The following A2ML1 variants were observed in gnomAD, a reference collection of about 807,000 sequenced individuals.
A2ML1 encodes alpha-2-macroglobulin like 1.
A2ML1 carries 161 observed loss-of-function variants against 181.9 expected under a neutral mutation model. The ratio of observed to expected loss-of-function variants is 0.89; its 90% CI spans 0.78 to 1.01. The LOEUF is 1.01. Ranked by LOEUF, A2ML1 falls within the 50% of genes least tolerant of loss-of-function variation. The pLI is 0.00. For synonymous variants in A2ML1, 663 were observed against 666.8 expected (o/e 0.99, Z 0.09); for missense variants, 1,670 against 1,768.1 (o/e 0.94, Z 1.00).
intron 3 of A2ML1, among the ~76,000 whole-genome samples, chr12:8,829,068 C>CTG (rs1943025051): frequency 6.6e-6 from 1 of 152,196 alleles, no homozygotes; most frequent in African/African-American, 2.4e-5. Context: ...CTTTTCTACC[C>CTG]TCTTCAGTGC....
At position 8,850,216 on chromosome 12, in the gene A2ML1, G is replaced by T. The variant is rs771684169; in HGVS notation, c.2176G>T (p.Asp726Tyr). ...ATCAACTCCTTTACATCAAGCAGAG[G>T]ATTCTCAGGTCCGCCAGTACTTCCC... is the stretch of plus-strand genomic sequence containing the variant. ...ESSTPLHQAE[D>Y]SQVRQYFPET... The change falls in exon 18 of 36, where the codon GAT (aspartate) becomes TAT (tyrosine). Residue 726 changes from aspartate (D) to tyrosine (Y), a missense_variant. Coordinates refer to ENST00000299698, the MANE Select transcript of A2ML1 (RefSeq NM_144670.6). 2.5e-5 allele frequency: 41 copies of T among 1,613,324 alleles called. No individual in the cohort carries two copies. The highest frequency in any genetic ancestry group is 3.4e-5 in the Non-Finnish European group (40 of 1,179,820).
intron 6 of A2ML1, 56 bp downstream of exon 6, chr12:8,835,722 G>A: frequency 6.2e-7 from 1 of 1,603,876 alleles, no homozygotes; most frequent in Non-Finnish European, 8.5e-7. Flanking sequence ...CTTAAAATCA[G>A]CAAAGGTGGA....
intron 29 of A2ML1, among the ~76,000 whole-genome samples, chr12:8,865,539 TCAA>T (rs1332095529): frequency 5.9e-5 from 9 of 152,126 alleles, no homozygotes; most frequent in African/African-American, 4.8e-5. Flanking sequence ...AAACTCCGTC[TCAA>T]CAACAACAAC....
At chr12:8,853,480 C>T (rs1943959525) in intron 20 of A2ML1, among the ~76,000 whole-genome samples, 1 of 152,192 alleles carries the variant, frequency 6.6e-6, no homozygotes, top group South Asian at 2.1e-4. Context: ...CTGGGTGCAG[C>T]TTAGCTGGGT....
Position 8,857,983 on chromosome 12 carries a change from C to T in A2ML1, c.3145C>T (p.Gln1049Ter), listed in dbSNP as rs368566164. ...AFVTKCFGQA[Q>*]KFIFIDPKNI... ...TGTCACAAAATGCTTTGGCCAAGCT[C>T]AGAAATTCATCTTCATTGATCCCAA... Residue 1049 changes from glutamine (Q) to a stop codon, truncating the protein, a stop_gained, in exon 26 of 36, where the codon CAG becomes TAG. Coordinates refer to ENST00000299698, the MANE Select transcript of A2ML1 (RefSeq NM_144670.6). LOFTEE classifies it high-confidence loss of function. The T allele has an allele frequency of 5.6e-6, 9 of 1,614,156 alleles. No homozygotes were observed. In the Middle Eastern group the frequency reaches 4.9e-4, roughly 89 times the overall value.
downstream of A2ML1, among the ~76,000 whole-genome samples, chr12:8,878,406 C>T (rs191460893): frequency 7.9e-5 from 12 of 152,248 alleles, no homozygotes; most frequent in Admixed American, 5.9e-4. The surrounding 1 kb of genome is among the most constrained non-coding windows in gnomAD (Gnocchi z 4.4). Flanking sequence ...AAACAGAAAA[C>T]CAAATACTGC....
At chr12:8,828,050 A>T (rs1942987166) in intron 3 of A2ML1, among the ~76,000 whole-genome samples, 1 of 152,160 alleles carries the variant, frequency 6.6e-6, no homozygotes, top group Admixed American at 6.5e-5. Context: ...ACTGGGTCAG[A>T]TCTGAAGCCA....
rs962350161 is a variant in A2ML1 at position 8,846,892 on chromosome 12, G to A, written c.1684-657G>A. The stretch of plus-strand genomic sequence containing the variant: ...GTCGGAAGGCTGAAGCAGGTGTATC[G>A]CTTGAGCCCAGGAGTTCAAGGCTGC... On this transcript the variant is annotated intron_variant, in intron 14 of 35. Coordinates refer to ENST00000299698, the MANE Select transcript of A2ML1 (RefSeq NM_144670.6). Among the ~76,000 whole-genome samples the A allele has an allele frequency of 1.3e-5, 2 of 151,494 alleles. 1 individual carries two copies. Among genetic ancestry groups the A allele is most frequent in the South Asian group, 4.2e-4 (2 of 4,812 alleles).
rs1944234977 is a variant in A2ML1, at chr12:8,860,880, G to A, written c.3265-1G>A. ...CTCACTGCCTCCCTGTTTGCCTCTA[G>A]GGTGGTGTTGATGATGAGGTCTCCT... On this transcript the variant is annotated splice_acceptor_variant, in intron 26 of 35. Coordinates refer to ENST00000299698, the MANE Select transcript of A2ML1 (RefSeq NM_144670.6). LOFTEE classifies it high-confidence loss of function. The A allele has an allele frequency of 6.2e-7, 1 of 1,614,054 alleles. No individual in the cohort carries two copies. Among genetic ancestry groups the A allele is most frequent in the Non-Finnish European group, 8.5e-7 (1 of 1,180,002 alleles).
At chr12:8,885,096 G>C (rs1247551464) in intron 7 of A2ML1, among the ~76,000 whole-genome samples, 1 of 152,208 alleles carries the variant, frequency 6.6e-6, no homozygotes, top group Non-Finnish European at 1.5e-5. Context: ...AGGACTTTGT[G>C]AGATTTTCAG....
intron 10 of A2ML1, among the ~76,000 whole-genome samples, chr12:8,840,267 C>T (rs955052803): frequency 2.0e-5 from 3 of 150,080 alleles, no homozygotes; most frequent in Non-Finnish European, 4.4e-5. Flanking sequence ...GTCTGAGGCA[C>T]GAGAATGGCT....
intron 7 of A2ML1, among the ~76,000 whole-genome samples, chr12:8,884,246 G>GT (rs979518549): frequency 2.2e-5 from 3 of 134,940 alleles, no homozygotes; most frequent in African/African-American, 5.6e-5. Flanking sequence ...TTTTTGTTTT[G>GT]TTTTTTTTTA....
chr12:8,862,935 G>A (rs1320242778), intron 28 of A2ML1, among the ~76,000 whole-genome samples: 1 of 151,900 alleles, frequency 6.6e-6, no homozygotes, highest in Non-Finnish European at 1.5e-5. Flanking sequence ...TTTTCTTCAA[G>A]TTATCCATTA....
chr12:8,865,920 G>A (rs973135513), intron 29 of A2ML1, among the ~76,000 whole-genome samples: 1 of 152,112 alleles, frequency 6.6e-6, no homozygotes, highest in African/African-American at 2.4e-5. Flanking sequence ...ATTATATTCT[G>A]ATTTGTTGAA....
chr12:8,858,056 G>C lies in A2ML1; in HGVS notation c.3218G>C (p.Ser1073Thr). ...LKWMAGNQLP[S>T]GCYANVGNLL... ...TGGATGGCAGGAAACCAGCTCCCCA[G>C]TGGCTGCTATGCCAACGTGGGAAAT... The change falls in exon 26 of 36, where the codon AGT becomes ACT. Residue 1073 changes from serine (S) to threonine (T), a missense_variant. By Grantham distance (58) the Ser-to-Thr change is moderately conservative. Transcript: ENST00000299698. 1 of 1,614,160 alleles carries C rather than the reference G, an allele frequency of 6.2e-7. No individual in the cohort carries two copies. Among genetic ancestry groups the C allele is most frequent in the Non-Finnish European group, 8.5e-7 (1 of 1,180,034 alleles).
intron 10 of A2ML1, 76 bp from the exon 11 acceptor site, chr12:8,841,293 C>T: frequency 7.4e-7 from 1 of 1,359,870 alleles, no homozygotes; most frequent in Non-Finnish European, 1.0e-6. Flanking sequence ...TTTGCACCAA[C>T]CTAATATTTC....
intron 8 of A2ML1, 131 bp downstream of exon 8, chr12:8,837,697 T>C (rs1024632266): frequency 1.0e-5 from 10 of 983,980 alleles, no homozygotes; most frequent in Non-Finnish European, 1.4e-5. Context: ...CTGACCAATA[T>C]GGGGAAACCC....
At chr12:8,863,736 G>GA in intron 28 of A2ML1, 58 bp from the exon 29 acceptor site, 1 of 1,541,830 alleles carries the variant, frequency 6.5e-7, no homozygotes, top group Non-Finnish European at 8.9e-7. Context: ...TTTACAAAGT[G>GA]AATGTGGGAA....
chr12:8,854,365 C>G, intron 21 of A2ML1, 116 bp downstream of exon 21: 1 of 1,436,764 alleles, frequency 7.0e-7, no homozygotes, highest in Non-Finnish European at 9.3e-7. Context: ...GCAGCTTCAA[C>G]TTTCTCCTTC....
Sources: gnomAD v4.1 joint callset for allele counts (sites outside exome capture counted in the v4.1 genomes callset) on GRCh38, gnomAD v4.1.1 for gene constraint, Gnocchi (gnomAD v3.1) non-coding constraint, MANE v1.5 for transcripts, NCBI Gene and HGNC (gene_info 2026-07-23, HGNC 2026-07-21) for gene names.